The following DDHD1 variants were observed in gnomAD, a reference collection of about 807,000 sequenced individuals.
DDHD1 encodes the protein phospholipase DDHD1.
DDHD1 carries 49 observed loss-of-function variants against 96.4 expected under a neutral mutation model. The observed-to-expected ratio is 0.51, with a 90% confidence interval of 0.40 to 0.64. DDHD1 has a LOEUF of 0.64. Ranked by LOEUF, DDHD1 falls within the 30% of genes least tolerant of loss-of-function variation. The pLI, the probability that DDHD1 is intolerant of heterozygous loss-of-function variation, is 0.00. For missense variants in DDHD1, 1,106 were observed against 1,161.2 expected (o/e 0.95, Z 0.69); for synonymous variants, 442 against 446.5 (o/e 0.99, Z 0.13).
Position 53,055,669 on chromosome 14 carries a change from T to C in DDHD1, c.2236A>G (p.Ser746Gly). The C allele has an allele frequency of 6.2e-7, 1 of 1,614,084 alleles. No homozygotes were observed. The highest frequency in any genetic ancestry group is 8.5e-7 in the Non-Finnish European group (1 of 1,179,936). ...GESITNIGKASILGAASIGKG... is the reference protein window; with the variant it reads ...GESITNIGKAGILGAASIGKG... ...ACATAAGAGAAATTACCTAATATGC[T>C]TGCTTTGCCTATATTTGTTATAGAT... The change falls in exon 10 of 13, where the codon AGC becomes GGC. Residue 746 changes from serine (S) to glycine (G), a missense_variant. Coordinates refer to ENST00000673822, the MANE Select transcript of DDHD1 (RefSeq NM_001160148.2).
intron 7 of DDHD1, 35 bp from the exon 8 acceptor site, chr14:53,061,236 A>T (rs1260584401): frequency 6.5e-7 from 1 of 1,543,514 alleles, no homozygotes; most frequent in East Asian, 2.3e-5. Context: ...ACACACACGT[A>T]TTTATAATTT....
intron 7 of DDHD1, 134 bp from the exon 8 acceptor site, chr14:53,061,335 T>C (rs750952334): frequency 6.4e-6 from 4 of 627,852 alleles, no homozygotes; most frequent in Non-Finnish European, 1.0e-5. Context: ...GTTGACAGTA[T>C]TTAATAAATG....
At chr14:53,138,373 G>T (rs552211391) in intron 1 of DDHD1, among the ~76,000 whole-genome samples, 1 of 152,318 alleles carries the variant, frequency 6.6e-6, no homozygotes, top group African/African-American at 2.4e-5. Context: ...CCGCTGCAGT[G>T]AGCCAAAATT....
At chr14:53,077,684 A>G (rs1885095014) in intron 4 of DDHD1, among the ~76,000 whole-genome samples, 1 of 150,052 alleles carries the variant, frequency 6.7e-6, no homozygotes, top group Non-Finnish European at 1.5e-5. Flanking sequence ...TTTTTTTTAA[A>G]AAACAATTGT....
chr14:53,077,442 G>A (rs984570353), intron 4 of DDHD1, among the ~76,000 whole-genome samples: 4 of 152,126 alleles, frequency 2.6e-5, no homozygotes, highest in African/African-American at 9.7e-5. Context: ...AGTTAATCTA[G>A]AAAAGGTAGG....
At position 53,108,524 on chromosome 14, in the gene DDHD1, A is replaced by T. The variant is rs554891257; in HGVS notation, c.839-4668T>A. Among the ~76,000 whole-genome samples the T allele has an allele frequency of 7.9e-5, 12 of 152,342 alleles. No homozygotes were observed. The South Asian group carries it at 2.5e-3, about 32-fold the overall frequency. The stretch of plus-strand genomic sequence containing the variant: ...CCTGGTAACAGTGCCATTGCACTCC[A>T]GCCTGGGTGACAGAGCAAGACTCTG... On this transcript the variant is annotated intron_variant, in intron 1 of 12. Coordinates refer to ENST00000673822, the MANE Select transcript of DDHD1 (RefSeq NM_001160148.2).
rs531902393 is a variant in DDHD1, at chr14:53,091,124, C to T, written c.1289+661G>A. 2.0e-5 allele frequency among the ~76,000 whole-genome samples: 3 copies of T among 152,234 alleles called. No individual in the cohort carries two copies. In the South Asian group the frequency reaches 6.2e-4, roughly 32 times the overall value. On this transcript the variant is annotated intron_variant, in intron 4 of 12. Transcript: ENST00000673822. ...ATCATCTATAACTGATTATATTTTT[C>T]TTTATACTGGTTGCTAGCTCAGAGC... is the stretch of plus-strand genomic sequence containing the variant.
intron 1 of DDHD1, among the ~76,000 whole-genome samples, chr14:53,106,853 T>G (rs1887723786): frequency 2.0e-5 from 3 of 152,252 alleles, no homozygotes; most frequent in African/African-American, 7.2e-5. Flanking sequence ...CTATTATTTC[T>G]GAAAAGTGTT....
chr14:53,099,395 T>C (rs1887131606), intron 2 of DDHD1, among the ~76,000 whole-genome samples: 1 of 152,240 alleles, frequency 6.6e-6, no homozygotes, highest in South Asian at 2.1e-4. Flanking sequence ...TTGCATTTTG[T>C]TGTCATGTCT....
chr14:53,098,760 T>C (rs1280484117), intron 2 of DDHD1, among the ~76,000 whole-genome samples: 1 of 152,064 alleles, frequency 6.6e-6, no homozygotes, highest in Non-Finnish European at 1.5e-5. Context: ...GTGATAGGAA[T>C]ACACACTTCA....
At chr14:53,076,694 T>C (rs1321504210) in intron 4 of DDHD1, among the ~76,000 whole-genome samples, 1 of 152,152 alleles carries the variant, frequency 6.6e-6, no homozygotes, top group East Asian at 1.9e-4. Flanking sequence ...AACTTCACTG[T>C]TGTCTTATTT....
chr14:53,056,984 T>A (rs1883106914), intron 9 of DDHD1, among the ~76,000 whole-genome samples: 1 of 152,128 alleles, frequency 6.6e-6, no homozygotes, highest in Admixed American at 6.5e-5. Flanking sequence ...GTATATATAT[T>A]TTACTTAATC....
At chr14:53,123,263 C>T (rs1192345395) in intron 1 of DDHD1, among the ~76,000 whole-genome samples, 1 of 151,862 alleles carries the variant, frequency 6.6e-6, no homozygotes, top group East Asian at 1.9e-4. Context: ...TCTCCTGCCT[C>T]AGCCTCCCAA....
intron 1 of DDHD1, among the ~76,000 whole-genome samples, chr14:53,151,844 C>G (rs60449256): frequency 1.2e-3 from 181 of 152,306 alleles, no homozygotes; most frequent in African/African-American, 3.9e-3. Context: ...CGAGCAGATC[C>G]TCTCAAACCT....
chr14:53,093,196 G>T, intron 3 of DDHD1, 120 bp downstream of exon 3: 1 of 994,962 alleles, frequency 1.0e-6, no homozygotes, highest in Non-Finnish European at 1.4e-6. Context: ...AAAGGAATCT[G>T]TCACTAAATT....
At chr14:53,149,403 T>C (rs1891200569) in intron 1 of DDHD1, among the ~76,000 whole-genome samples, 1 of 152,026 alleles carries the variant, frequency 6.6e-6, no homozygotes, top group Non-Finnish European at 1.5e-5. Context: ...AAAGGAAAAG[T>C]AAAATGGGGG....
intron 7 of DDHD1, among the ~76,000 whole-genome samples, chr14:53,062,675 T>G (rs1883688443): frequency 6.6e-6 from 1 of 152,078 alleles, no homozygotes; most frequent in South Asian, 2.1e-4. Context: ...TTGGAATAAG[T>G]TTTAAATTTC....
chr14:53,136,394 C>T (rs1024749303), intron 1 of DDHD1, among the ~76,000 whole-genome samples: 1 of 152,204 alleles, frequency 6.6e-6, no homozygotes, highest in Non-Finnish European at 1.5e-5. Flanking sequence ...AAGCCTAGCA[C>T]TCTAATTGAG....
At chr14:53,051,201 T>C (rs1882533763) in intron 12 of DDHD1, among the ~76,000 whole-genome samples, 3 of 151,868 alleles carry the variant, frequency 2.0e-5, no homozygotes, top group Non-Finnish European at 4.4e-5. Context: ...TCCAGCATTT[T>C]TTTTTTTAAA....
Sources: gnomAD v4.1 joint callset for allele counts (sites outside exome capture counted in the v4.1 genomes callset) on GRCh38, gnomAD v4.1.1 for gene constraint, MANE v1.5 for transcripts, NCBI Gene and HGNC (gene_info 2026-07-23, HGNC 2026-07-21) for gene names.